KRT71: variants seen among roughly 807,000 people sequenced by gnomAD.
KRT71 encodes keratin, type II cytoskeletal 71.
A neutral mutation model predicts 46.2 loss-of-function variants in KRT71; 42 were observed. The ratio of observed to expected loss-of-function variants is 0.91; its 90% CI spans 0.71 to 1.18. The LOEUF is 1.18. Ranked by LOEUF, KRT71 falls within the 50% of genes most tolerant of loss-of-function variation. KRT71 has a pLI of 0.00. For synonymous variants in KRT71, 292 were observed against 277.8 expected, an observed-to-expected ratio of 1.05 and a Z score of -0.51; for missense variants, 708 against 677.9, an observed-to-expected ratio of 1.04 and a Z score of -0.49.
At position 52,544,357 on chromosome 12, in the gene KRT71, G is replaced by A; in HGVS notation, c.*175C>T. On this transcript the variant is annotated 3_prime_UTR_variant, in exon 9 of 9. Transcript: ENST00000267119. The stretch of plus-strand genomic sequence containing the variant: ...AATTTCACCAAGCTTGGTCATCCAG[G>A]CCTTCCCAGGATCAGGAAGACACAG... 1.4e-6 allele frequency: 1 copy of A among 702,158 alleles called. No homozygotes were observed. Among genetic ancestry groups the A allele is most frequent in the Non-Finnish European group, 2.5e-6 (1 of 392,598 alleles). 43.5% of individuals were successfully genotyped at this position (702,158 alleles called of 1,614,324 possible). A position where few individuals can be genotyped will look rare whatever the true frequency, so the allele number is the denominator to read the frequency against.
intron 6 of KRT71, 84 bp from the exon 7 acceptor site, chr12:52,546,590 G>C: frequency 7.2e-7 from 1 of 1,387,684 alleles, no homozygotes; most frequent in African/African-American, 1.4e-5. Context: ...CCTTAGAGTG[G>C]GGCAGAGTGG....
chr12:52,545,324 A>G (rs1939040304), intron 8 of KRT71, among the ~76,000 whole-genome samples: 3 of 152,216 alleles, frequency 2.0e-5, no homozygotes, highest in Non-Finnish European at 4.4e-5. Context: ...CCATGACAAT[A>G]GCTTTCCATT....
chr12:52,546,683 C>G (rs1939063684), intron 6 of KRT71, among the ~76,000 whole-genome samples, 177 bp from the exon 7 acceptor site: 1 of 152,248 alleles, frequency 6.6e-6, no homozygotes, highest in Non-Finnish European at 1.5e-5. Context: ...TTAGCTCTAG[C>G]CCCATTCCCT....
chr12:52,546,130 C>T (rs1399736731), intron 7 of KRT71, among the ~76,000 whole-genome samples, 156 bp downstream of exon 7: 1 of 152,104 alleles, frequency 6.6e-6, no homozygotes, highest in African/African-American at 2.4e-5. Flanking sequence ...CTCATGTCCA[C>T]TCATGGTAGT....
intron 4 of KRT71, among the ~76,000 whole-genome samples, 162 bp from the exon 5 acceptor site, chr12:52,548,478 C>T (rs1939099166): frequency 6.6e-6 from 1 of 152,230 alleles, no homozygotes; most frequent in Non-Finnish European, 1.5e-5. Flanking sequence ...AAGTTCCCTG[C>T]TGGGCCCAGA....
chr12:52,546,460 T>C lies in KRT71; in HGVS notation c.1151A>G (p.Asp384Gly). ...GGCCCGGGCATCCTTCAGGGCGTTG[T>C]CTCCCCGCTGCTCAGCATCAGCGAT... Reference protein sequence around the residue: ...TAIADAEQRGDNALKDARAKL... With the variant: ...TAIADAEQRGGNALKDARAKL... The change falls in exon 7 of 9, where the codon GAC becomes GGC. Residue 384 changes from aspartate to glycine, a missense_variant. Coordinates refer to ENST00000267119, the MANE Select transcript of KRT71 (RefSeq NM_033448.3). The C allele has an allele frequency of 6.2e-7, 1 of 1,614,172 alleles. No individual in the cohort carries two copies. The highest frequency in any genetic ancestry group is 8.5e-7 in the Non-Finnish European group (1 of 1,180,038).
Position 52,550,951 on chromosome 12 carries a change from G to A in KRT71, c.442-708C>T, listed in dbSNP as rs1269457395. On this transcript the variant is annotated intron_variant, in intron 1 of 8. Transcript: ENST00000267119. ...CTTAATCTACATGAGCACAGCTACTGCTTGAATAAGGTTGTCTTCCCCAAC... is the reference window on the plus strand; with the variant it reads ...CTTAATCTACATGAGCACAGCTACTACTTGAATAAGGTTGTCTTCCCCAAC... 1.3e-5 allele frequency among the ~76,000 whole-genome samples: 2 copies of A among 152,202 alleles called. 1 individual carries two copies. The highest frequency in any genetic ancestry group is 3.8e-4 in the East Asian group (2 of 5,198).
intron 2 of KRT71, 40 bp from the exon 3 acceptor site, chr12:52,549,393 G>A (rs780668416): frequency 1.3e-6 from 2 of 1,548,308 alleles, no homozygotes; most frequent in African/African-American, 2.7e-5. Context: ...ATATCTCACT[G>A]AAAGCCCTTG....
intron 6 of KRT71, among the ~76,000 whole-genome samples, chr12:52,547,101 A>C (rs1939070597): frequency 1.3e-5 from 2 of 152,226 alleles, no homozygotes. Context: ...AGCCCACAAA[A>C]GAATAGAAGG....
chr12:52,544,296 C>T lies in KRT71; in HGVS notation c.*236G>A. The T allele has an allele frequency of 1.7e-6, 1 of 584,456 alleles. No homozygotes were observed. Among genetic ancestry groups the T allele is most frequent in the South Asian group, 2.0e-5 (1 of 50,058 alleles). 36.2% of individuals were successfully genotyped at this position (584,456 alleles called of 1,614,324 possible). ...TGGGCTGGTGGTGTAGCTGGGGGAC[C>T]ACAGCCAAGGAGTTAATAGGGTGTG... is the stretch of plus-strand genomic sequence containing the variant. On this transcript the variant is annotated 3_prime_UTR_variant, in exon 9 of 9. Coordinates refer to ENST00000267119, the MANE Select transcript of KRT71 (RefSeq NM_033448.3).
At chr12:52,545,012 T>C (rs1003388757) in intron 8 of KRT71, among the ~76,000 whole-genome samples, 1 of 152,202 alleles carries the variant, frequency 6.6e-6, no homozygotes, top group Non-Finnish European at 1.5e-5. Flanking sequence ...CCTGTCCTCC[T>C]GGACACCCAC....
intron 6 of KRT71, among the ~76,000 whole-genome samples, chr12:52,547,463 A>G (rs1939075906): frequency 6.6e-6 from 1 of 152,186 alleles, no homozygotes; most frequent in Non-Finnish European, 1.5e-5. Context: ...AGCTGCAACT[A>G]TGTGCCAGGC....
intron 1 of KRT71, 140 bp from the exon 2 acceptor site, chr12:52,550,383 A>G (rs2120582139): frequency 9.3e-7 from 1 of 1,079,326 alleles, no homozygotes; most frequent in South Asian, 1.6e-5. Context: ...ACCCTCTGCT[A>G]TGGAGAGAAA....
At chr12:52,549,222 G>A in intron 3 of KRT71, 71 bp downstream of exon 3, 3 of 1,181,940 alleles carry the variant, frequency 2.5e-6, no homozygotes, top group Admixed American at 1.7e-5. Flanking sequence ...GGCTAACAGA[G>A]CACCTTGGCA....
Position 52,552,986 on chromosome 12 carries a change from G to C in KRT71, c.92C>G (p.Ser31Cys), listed in dbSNP as rs771492467. ...SAVLSGGSSS[S>C]FRAGSKGLSG... ...GAGCCCTTTGCTCCCTGCCCGGAAG[G>C]AGGATGAGCTGCCCCCTGAGAGCAC... is the stretch of plus-strand genomic sequence containing the variant. Residue 31 changes from serine to cysteine, a missense_variant, in exon 1 of 9, where the codon TCC becomes TGC. Transcript: ENST00000267119. 6.2e-7 allele frequency: 1 copy of C among 1,614,170 alleles called. No homozygotes were observed. Among genetic ancestry groups the C allele is most frequent in the Admixed American group, 1.7e-5 (1 of 60,030 alleles).
At chr12:52,546,997 A>G (rs1328680822) in intron 6 of KRT71, among the ~76,000 whole-genome samples, 2 of 152,206 alleles carry the variant, frequency 1.3e-5, no homozygotes, top group Non-Finnish European at 2.9e-5. Context: ...TACTGTACAT[A>G]CCATTGACAT....
intron 6 of KRT71, among the ~76,000 whole-genome samples, chr12:52,546,741 G>A (rs1278809956): frequency 6.6e-6 from 1 of 152,242 alleles, no homozygotes; most frequent in Non-Finnish European, 1.5e-5. Flanking sequence ...GCCCTCCTGA[G>A]CGCCACTTTA....
chr12:52,549,500 G>C (rs1565602160), intron 2 of KRT71, 147 bp from the exon 3 acceptor site: 12 of 677,456 alleles, frequency 1.8e-5, no homozygotes, highest in Non-Finnish European at 2.6e-5. Context: ...GTGGGGGAAG[G>C]CTTCCTGGAG....
chr12:52,548,870 C>T, intron 3 of KRT71, 74 bp from the exon 4 acceptor site: 1 of 1,310,038 alleles, frequency 7.6e-7, no homozygotes, highest in South Asian at 1.2e-5. Context: ...TGCCTGGGTT[C>T]CCTGAGTGAA....
Sources: allele counts gnomAD v4.1 joint callset (sites outside exome capture counted in the v4.1 genomes callset), GRCh38; gene constraint gnomAD v4.1.1; transcripts MANE v1.5; gene names NCBI Gene and HGNC (gene_info 2026-07-23, HGNC 2026-07-21).